The following CSMD1 variants were observed in gnomAD, a reference collection of about 807,000 sequenced individuals.
CSMD1 encodes CUB and Sushi multiple domains 1.
A neutral mutation model predicts 417.5 loss-of-function variants in CSMD1; 213 were observed. The ratio of observed to expected loss-of-function variants is 0.51; its 90% confidence interval spans 0.46 to 0.57. CSMD1 has a LOEUF of 0.57. Ranked by LOEUF, CSMD1 falls within the 20% of genes least tolerant of loss-of-function variation. The pLI, the probability that CSMD1 is intolerant of heterozygous loss-of-function variation, is 0.00. For missense variants in CSMD1, 6,923 were observed against 4,529.7 expected (o/e 1.53, Z -15.17); for synonymous variants, 2,862 against 1,736.8 (o/e 1.65, Z -16.11).
At chr8:4,866,534 G>T (rs1802430367) in intron 1 of CSMD1, among the ~76,000 whole-genome samples, 1 of 151,520 alleles carries the variant, frequency 6.6e-6, no homozygotes, top group Non-Finnish European at 1.5e-5. Flanking sequence ...AAGTGTTATT[G>T]GCTTTTTTAA....
At chr8:3,932,047 C>T (rs1248695833) in intron 5 of CSMD1, among the ~76,000 whole-genome samples, 1 of 150,232 alleles carries the variant, frequency 6.7e-6, no homozygotes. Flanking sequence ...CTAATTTCAT[C>T]AGAGAGTAGG....
chr8:3,133,091 A>C (rs1208112130), intron 41 of CSMD1, among the ~76,000 whole-genome samples: 2 of 152,180 alleles, frequency 1.3e-5, no homozygotes, highest in African/African-American at 4.8e-5. Flanking sequence ...GTGAGCCTGC[A>C]TCCTTCCCCA....
At chr8:4,407,095 C>G (rs75180143) in intron 3 of CSMD1, among the ~76,000 whole-genome samples, 242 of 152,256 alleles carry the variant, frequency 1.6e-3, no homozygotes, top group African/African-American at 5.6e-3. Flanking sequence ...CGCTTTCATA[C>G]TGTAGCAGCA....
intron 1 of CSMD1, among the ~76,000 whole-genome samples, chr8:4,829,211 A>G (rs1002857289): frequency 6.6e-6 from 1 of 152,294 alleles, no homozygotes; most frequent in African/African-American, 2.4e-5. Context: ...AAGACTGCTC[A>G]AGTTGTTTAG....
chr8:2,950,801 G>A (rs987328322), intron 66 of CSMD1, among the ~76,000 whole-genome samples: 16 of 152,126 alleles, frequency 1.1e-4, no homozygotes, highest in African/African-American at 3.4e-4. Flanking sequence ...AAGAGCACAT[G>A]AGTTAAGAAA....
intron 23 of CSMD1, among the ~76,000 whole-genome samples, chr8:3,309,662 T>C (rs943891427): frequency 6.6e-6 from 1 of 152,216 alleles, no homozygotes; most frequent in Non-Finnish European, 1.5e-5. Flanking sequence ...ACATGGTCTC[T>C]TTCCTTCTAT....
intron 1 of CSMD1, among the ~76,000 whole-genome samples, chr8:4,755,338 G>A (rs1028735958): frequency 6.6e-6 from 1 of 151,800 alleles, no homozygotes; most frequent in Non-Finnish European, 1.5e-5. Context: ...TTTCCTTTTG[G>A]GATATTATCT....
At chr8:3,418,330 G>T (rs551788201) in intron 12 of CSMD1, among the ~76,000 whole-genome samples, 54 of 152,208 alleles carry the variant, frequency 3.5e-4, no homozygotes, top group African/African-American at 1.3e-3. Context: ...TGAGAGTATA[G>T]ATTTTCAAAC....
intron 10 of CSMD1, among the ~76,000 whole-genome samples, chr8:3,504,619 T>A (rs1463382760): frequency 6.6e-6 from 1 of 152,224 alleles, no homozygotes; most frequent in Non-Finnish European, 1.5e-5. Flanking sequence ...GAAAAACTCA[T>A]CTGTCTTCTC....
At chr8:2,998,588 T>C (rs975143645) in intron 53 of CSMD1, among the ~76,000 whole-genome samples, 1 of 152,212 alleles carries the variant, frequency 6.6e-6, no homozygotes. Flanking sequence ...AACCCTCCTT[T>C]TGAGACAGTA....
chr8:4,418,849 T>C (rs896294181), intron 3 of CSMD1, among the ~76,000 whole-genome samples: 31 of 152,276 alleles, frequency 2.0e-4, no homozygotes, highest in African/African-American at 6.7e-4. Flanking sequence ...CGCTGGCTTA[T>C]GCACAAATGC....
At chr8:3,229,388 C>T (rs759171077) in intron 27 of CSMD1, among the ~76,000 whole-genome samples, 1 of 152,166 alleles carries the variant, frequency 6.6e-6, no homozygotes, top group Non-Finnish European at 1.5e-5. Flanking sequence ...AATGAAGAGA[C>T]AATCTACCTG....
intron 3 of CSMD1, among the ~76,000 whole-genome samples, chr8:4,197,665 G>A (rs1298907672): frequency 1.3e-5 from 2 of 152,148 alleles, no homozygotes; most frequent in South Asian, 2.1e-4. Context: ...GATCATTTGA[G>A]GCCAGGAGTT....
intron 1 of CSMD1, among the ~76,000 whole-genome samples, chr8:4,927,365 T>G (rs1407182726): frequency 6.6e-6 from 1 of 152,064 alleles, no homozygotes; most frequent in African/African-American, 2.4e-5. Flanking sequence ...GCCAAATGCA[T>G]TATTTAATCT....
chr8:4,315,223 G>C (rs1484666210), intron 3 of CSMD1, among the ~76,000 whole-genome samples: 3 of 152,164 alleles, frequency 2.0e-5, no homozygotes, highest in African/African-American at 7.2e-5. Flanking sequence ...TCTGCTCAAA[G>C]GAAAGCCCAG....
intron 5 of CSMD1, among the ~76,000 whole-genome samples, chr8:3,946,431 A>G (rs1401468473): frequency 1.3e-5 from 2 of 152,136 alleles, no homozygotes; most frequent in Non-Finnish European, 2.9e-5. Context: ...TGGCTACTTT[A>G]GCTCAATATT....
chr8:3,271,983 T>C, intron 26 of CSMD1, among the ~76,000 whole-genome samples: 1 of 152,048 alleles, frequency 6.6e-6, no homozygotes, highest in Non-Finnish European at 1.5e-5. Flanking sequence ...GCTTTTTGTG[T>C]TTGAGACATG....
At chr8:4,721,757 C>T (rs927439611) in intron 1 of CSMD1, among the ~76,000 whole-genome samples, 3 of 152,088 alleles carry the variant, frequency 2.0e-5, no homozygotes, top group Non-Finnish European at 4.4e-5. Context: ...GCTGCACTCC[C>T]ATGTTCACTG....
At chr8:3,626,893 T>A (rs1796519012) in intron 7 of CSMD1, among the ~76,000 whole-genome samples, 1 of 149,956 alleles carries the variant, frequency 6.7e-6, no homozygotes. Flanking sequence ...TATTAATAAA[T>A]TAATATTTAA....
Sources: allele counts gnomAD v4.1 joint callset (sites outside exome capture counted in the v4.1 genomes callset), GRCh38; gene constraint gnomAD v4.1.1; transcripts MANE v1.5; gene names NCBI Gene and HGNC (gene_info 2026-07-23, HGNC 2026-07-21).